Variants in ZNF83 observed in about 807,000 individuals in gnomAD.
ZNF83 encodes the protein zinc finger protein 83.
For synonymous variants in ZNF83, 209 were observed against 213.0 expected, an observed-to-expected ratio of 0.98 and a Z score of 0.17; for missense variants, 552 against 629.9, an observed-to-expected ratio of 0.88 and a Z score of 1.32.
intron 2 of ZNF83, among the ~76,000 whole-genome samples, chr19:52,625,413 C>G (rs1198368887): frequency 6.6e-6 from 1 of 152,118 alleles, no homozygotes; most frequent in Non-Finnish European, 1.5e-5. Flanking sequence ...GTCAAGTCTA[C>G]TCCCCCCATA....
At position 52,618,871 on chromosome 19, in the gene ZNF83, A is replaced by C. The variant is rs941859155; in HGVS notation, c.-233-4074T>G. 1.3e-5 allele frequency: 20 copies of C among 1,516,580 alleles called. 1 individual carries two copies. The Middle Eastern group carries it at 7.1e-4, about 53-fold the overall frequency. 93.9% of individuals were successfully genotyped at this position (1,516,580 alleles called of 1,614,324 possible). Reference sequence around the variant, plus strand: ...CAAGCAAGGATGCAACTCCCAAGAGAAACAAGAGAAAATGCAAAGATACAC... The same window carrying C: ...CAAGCAAGGATGCAACTCCCAAGAGCAACAAGAGAAAATGCAAAGATACAC... On this transcript the variant is annotated intron_variant, in intron 2 of 2. Transcript: ENST00000301096.
chr19:52,687,660 GTA>G (rs150866205), intron 1 of ZNF83, among the ~76,000 whole-genome samples: 2 of 12,522 alleles, frequency 1.6e-4, no homozygotes, highest in Admixed American at 6.9e-4. Context: ...TATATATAAT[GTA>G]TATATATATA....
At chr19:52,687,983 G>A (rs540317332) in intron 1 of ZNF83, among the ~76,000 whole-genome samples, 4 of 151,930 alleles carry the variant, frequency 2.6e-5, no homozygotes, top group African/African-American at 4.8e-5. Context: ...GATTCCAACT[G>A]GAAGCTAACC....
exon 3 of ZNF83, chr19:52,613,153 C>T: frequency 6.2e-7 from 1 of 1,612,558 alleles, no homozygotes; most frequent in Non-Finnish European, 8.5e-7. Flanking sequence ...ATTAGTGAGG[C>T]TTGAACGCAT....
intron 3 of ZNF83, chr19:52,652,661 G>T: frequency 5.5e-6 from 3 of 547,812 alleles, no homozygotes; most frequent in South Asian, 1.5e-5. Context: ...TCTTCATTAT[G>T]GATTCTCTAA....
chr19:52,681,031 T>A (rs1168928410), intron 1 of ZNF83, among the ~76,000 whole-genome samples: 1 of 151,660 alleles, frequency 6.6e-6, no homozygotes, highest in Non-Finnish European at 1.5e-5. Context: ...ATGCCTGTAA[T>A]CAAAACACTT....
At chr19:52,684,268 A>T (rs986686361) in intron 1 of ZNF83, among the ~76,000 whole-genome samples, 1 of 152,140 alleles carries the variant, frequency 6.6e-6, no homozygotes, top group Non-Finnish European at 1.5e-5. Flanking sequence ...CGGGAGGCTG[A>T]GGCAGGAGAA....
chr19:52,646,301 T>C (rs1568561090), intron 3 of ZNF83, among the ~76,000 whole-genome samples: 1 of 152,054 alleles, frequency 6.6e-6, no homozygotes, highest in Non-Finnish European at 1.5e-5. Flanking sequence ...TGCTGGTACT[T>C]TGAGGGTCCA....
Position 52,614,548 on chromosome 19 carries a change from T to A in ZNF83, c.17A>T (p.Asp6Val), listed in dbSNP as rs1428975500. 1.3e-6 allele frequency: 2 copies of A among 1,596,932 alleles called. No individual in the cohort carries two copies. Among genetic ancestry groups the A allele is most frequent in the Non-Finnish European group, 1.7e-6 (2 of 1,167,952 alleles). The change falls in exon 3 of 3, where the codon GAT (aspartate) becomes GTT (valine). Residue 6 changes from aspartate to valine, a missense_variant. Physicochemically the swap from Asp to Val is radical, Grantham distance 152 (BLOSUM62 -3). Coordinates refer to ENST00000301096, the Ensembl canonical transcript of ZNF83. ...TTTAACAGGCTGCTTTTGTGCATCA[T>A]CCTTTCTCCCATGCATGTCTCTTCT...
chr19:52,627,657 A>G (rs183067338), intron 2 of ZNF83, among the ~76,000 whole-genome samples: 1 of 152,152 alleles, frequency 6.6e-6, no homozygotes. Context: ...TCTCAACTAA[A>G]TAAATAAATA....
chr19:52,653,420 C>T (rs2061468399), intron 3 of ZNF83: 1 of 840,784 alleles, frequency 1.2e-6, no homozygotes, highest in South Asian at 1.3e-5. Flanking sequence ...TCAGTATGAA[C>T]TCTGTTATGG....
chr19:52,664,347 T>C (rs1239211168), intron 1 of ZNF83, among the ~76,000 whole-genome samples: 3 of 151,918 alleles, frequency 2.0e-5, no homozygotes, highest in Non-Finnish European at 4.4e-5. Flanking sequence ...AACACAAAAA[T>C]TTGCCCTATG....
At chr19:52,659,950 T>C (rs1038721437) in intron 2 of ZNF83, among the ~76,000 whole-genome samples, 2 of 152,064 alleles carry the variant, frequency 1.3e-5, no homozygotes, top group Admixed American at 1.3e-4. Context: ...CCCACGACCT[T>C]GGGAGGCTGA....
At chr19:52,622,037 C>A (rs1439288826) in intron 2 of ZNF83, among the ~76,000 whole-genome samples, 1 of 152,094 alleles carries the variant, frequency 6.6e-6, no homozygotes, top group Admixed American at 6.6e-5. Context: ...ACCCCTCTTA[C>A]CTCTCTCCCC....
At chr19:52,623,475 T>C (rs1568538482) in intron 2 of ZNF83, among the ~76,000 whole-genome samples, 1 of 152,190 alleles carries the variant, frequency 6.6e-6, no homozygotes, top group Non-Finnish European at 1.5e-5. Flanking sequence ...GCACTCCTTT[T>C]TAGTTATCCC....
intron 2 of ZNF83, among the ~76,000 whole-genome samples, chr19:52,629,321 A>G (rs615164): frequency 0.011 from 1,608 of 152,168 alleles, 31 homozygotes; most frequent in African/African-American, 0.036. Context: ...CTCTGTGCCC[A>G]GTGCAACTCA....
At chr19:52,652,911 A>G (rs999053346) in intron 3 of ZNF83, 10 of 1,136,204 alleles carry the variant, frequency 8.8e-6, no homozygotes, top group Admixed American at 1.7e-5. Context: ...TCTCTCCACT[A>G]TGAAGTCTAT....
chr19:52,627,171 C>T (rs1303842626), intron 2 of ZNF83, among the ~76,000 whole-genome samples: 1 of 149,194 alleles, frequency 6.7e-6, no homozygotes, highest in Non-Finnish European at 1.5e-5. Context: ...CCACTGCTTA[C>T]CCCAGGCCTA....
intron 1 of ZNF83, chr19:52,636,001 A>AC (rs2061134386): frequency 6.6e-6 from 1 of 151,352 alleles, no homozygotes; most frequent in South Asian, 2.1e-4. Flanking sequence ...TCAAAAAAAA[A>AC]AAAAAACTAT....
Sources: allele counts gnomAD v4.1 joint callset (sites outside exome capture counted in the v4.1 genomes callset), GRCh38; gene constraint gnomAD v4.1.1; transcripts MANE v1.5; gene names NCBI Gene and HGNC (gene_info 2026-07-23, HGNC 2026-07-21).